The following DAB1 variants were observed in gnomAD, a reference collection of about 807,000 sequenced individuals.
DAB1 encodes DAB adaptor protein 1, also known as disabled homolog 1.
Under a neutral mutation model 64.6 loss-of-function variants are expected in DAB1, and 15 were observed. The ratio of observed to expected loss-of-function variants is 0.23; its 90% CI spans 0.16 to 0.36. The LOEUF (loss-of-function observed/expected upper bound fraction) is 0.36. Ranked by LOEUF, DAB1 falls within the 10% of genes least tolerant of loss-of-function variation. The pLI is 1.00. For missense variants in DAB1, 596 were observed against 706.7 expected, an observed-to-expected ratio of 0.84 and a Z score of 1.78; for synonymous variants, 235 against 251.9, an observed-to-expected ratio of 0.93 and a Z score of 0.64.
At chr1:58,262,211 G>A (rs1372500704) in intron 4 of DAB1, among the ~76,000 whole-genome samples, 1 of 152,182 alleles carries the variant, frequency 6.6e-6, no homozygotes, top group East Asian at 1.9e-4. Context: ...CCTATAGAGG[G>A]CACTAAGGAG....
chr1:57,054,253 TTGTC>T (rs954403398), intron 9 of DAB1, among the ~76,000 whole-genome samples: 5 of 152,060 alleles, frequency 3.3e-5, no homozygotes, highest in Admixed American at 1.3e-4. Flanking sequence ...ATTAAAACAG[TTGTC>T]TGTGAAGGTT....
At chr1:57,314,643 C>G (rs1012803188) in intron 1 of DAB1, among the ~76,000 whole-genome samples, 5 of 151,980 alleles carry the variant, frequency 3.3e-5, no homozygotes, top group Non-Finnish European at 7.4e-5. Context: ...ATAAGCTAGG[C>G]CTGGTGGGGC....
At chr1:57,508,329 A>G (rs940616490) in intron 7 of DAB1, among the ~76,000 whole-genome samples, 1 of 152,186 alleles carries the variant, frequency 6.6e-6, no homozygotes, top group African/African-American at 2.4e-5. Flanking sequence ...TTGAACTCGA[A>G]CACCTAGAAT....
At chr1:58,077,966 T>A (rs781420138) in intron 5 of DAB1, 5 of 152,262 alleles carry the variant, frequency 3.3e-5, no homozygotes, top group Non-Finnish European at 7.3e-5. Context: ...TTCTCTTTAA[T>A]AATTCACTTT....
rs148285082 is a variant in DAB1, at chr1:58,052,049, T to C, written n.387+98462A>G. Among the ~76,000 whole-genome samples, 918 of 152,352 alleles carry C rather than the reference T, an allele frequency of 6.0e-3. 14 individuals are homozygous for C. The highest frequency in any genetic ancestry group is 0.021 in the African/African-American group (864 of 41,588). ...GCCGTGCAGAAGCTCTTTAGTTTAA[T>C]TAGATCCCATTTGTCTATTTTGGCT... On this transcript the variant is annotated intron_variant and non_coding_transcript_variant, in intron 5 of 20. Transcript: ENST00000485760.
Position 57,079,869 on chromosome 1 carries a change from T to A in DAB1, c.307-7455A>T, listed in dbSNP as rs115399811. Among the ~76,000 whole-genome samples, 1,020 of 151,876 alleles carry A rather than the reference T, an allele frequency of 6.7e-3. 7 individuals are homozygous for A. The highest frequency in any genetic ancestry group is 0.024 in the African/African-American group (970 of 41,202). On this transcript the variant is annotated intron_variant, in intron 4 of 14. Transcript: ENST00000371236. Reference sequence around the variant, plus strand: ...TTCCCATGACGCAAGTCCTCTCTACTTCCTCGACTTTTCCACTGGGAGTGG... The same window carrying A: ...TTCCCATGACGCAAGTCCTCTCTACATCCTCGACTTTTCCACTGGGAGTGG...
chr1:58,277,344 C>G (rs1661475343), intron 4 of DAB1, among the ~76,000 whole-genome samples: 1 of 152,134 alleles, frequency 6.6e-6, no homozygotes, highest in Non-Finnish European at 1.5e-5. Context: ...CCAGCCGATG[C>G]AAAGACTTTT....
chr1:57,154,126 G>T (rs911218866), intron 2 of DAB1, among the ~76,000 whole-genome samples: 1 of 152,100 alleles, frequency 6.6e-6, no homozygotes, highest in Non-Finnish European at 1.5e-5. Flanking sequence ...TCACCTTGTT[G>T]TGCTATCAAA....
At chr1:57,610,762 G>A (rs1182833375) in intron 7 of DAB1, among the ~76,000 whole-genome samples, 1 of 152,128 alleles carries the variant, frequency 6.6e-6, no homozygotes, top group Non-Finnish European at 1.5e-5. Context: ...ACTATCATGA[G>A]AAGAGCATGA....
chr1:58,338,656 C>T (rs555943209), intron 4 of DAB1, among the ~76,000 whole-genome samples: 2 of 151,992 alleles, frequency 1.3e-5, no homozygotes, highest in Admixed American at 6.6e-5. Flanking sequence ...GTAGGAGTGA[C>T]AGAGGAAAAA....
At chr1:57,534,835 G>A (rs1644706946) in intron 7 of DAB1, among the ~76,000 whole-genome samples, 1 of 152,160 alleles carries the variant, frequency 6.6e-6, no homozygotes, top group Non-Finnish European at 1.5e-5. Flanking sequence ...ATTGTATTTA[G>A]AGGATACCTT....
intron 3 of DAB1, among the ~76,000 whole-genome samples, chr1:58,399,141 C>T (rs1397233946): frequency 6.6e-6 from 1 of 152,216 alleles, no homozygotes; most frequent in Non-Finnish European, 1.5e-5. Flanking sequence ...TAAGTCAAGT[C>T]AGCATGGGAG....
intron 6 of DAB1, among the ~76,000 whole-genome samples, chr1:57,724,629 T>C (rs1647187105): frequency 1.3e-5 from 2 of 152,116 alleles, no homozygotes; most frequent in Admixed American, 1.3e-4. Flanking sequence ...CAGCCTTTGG[T>C]CATCTTGCGG....
intron 7 of DAB1, chr1:57,605,939 C>A: frequency 5.8e-6 from 4 of 688,462 alleles, no homozygotes; most frequent in South Asian, 5.4e-5. Context: ...CTGTGCAAGT[C>A]AAAGAGTCAC....
chr1:58,258,786 G>GT (rs139310542), intron 4 of DAB1, among the ~76,000 whole-genome samples: 2,765 of 152,324 alleles, frequency 0.018, 85 homozygotes, highest in African/African-American at 0.063. Context: ...ACGTGGGTTA[G>GT]TAGGTGTTGA....
At chr1:58,022,732 G>A (rs947004715) in intron 5 of DAB1, among the ~76,000 whole-genome samples, 3 of 152,082 alleles carry the variant, frequency 2.0e-5, no homozygotes, top group African/African-American at 2.4e-5. Context: ...TCTAAACTAC[G>A]TAATATAATT....
chr1:57,229,764 C>T (rs994150892), intron 2 of DAB1, among the ~76,000 whole-genome samples: 24 of 152,146 alleles, frequency 1.6e-4, no homozygotes, highest in African/African-American at 5.8e-4. Flanking sequence ...TTTCTGCTTC[C>T]AAGCAAAAGG....
At chr1:57,422,222 T>A (rs1392518999) in intron 1 of DAB1, among the ~76,000 whole-genome samples, 1 of 152,194 alleles carries the variant, frequency 6.6e-6, no homozygotes, top group Admixed American at 6.5e-5. Context: ...ACAGCCTTTA[T>A]TCAAAACTAT....
intron 5 of DAB1, among the ~76,000 whole-genome samples, chr1:58,144,690 TA>T (rs1654492700): frequency 6.6e-6 from 1 of 152,198 alleles, no homozygotes; most frequent in Non-Finnish European, 1.5e-5. Context: ...AGAAGCATTT[TA>T]TAGGAAAGAA....
Sources: allele counts gnomAD v4.1 joint callset (sites outside exome capture counted in the v4.1 genomes callset), GRCh38; gene constraint gnomAD v4.1.1; transcripts MANE v1.5; gene names NCBI Gene and HGNC (gene_info 2026-07-23, HGNC 2026-07-21).